ITGA6: variants seen among roughly 807,000 people sequenced by gnomAD.
The protein encoded by ITGA6 is integrin alpha-6.
Under a neutral mutation model 133.6 loss-of-function variants are expected in ITGA6, and 63 were observed. The observed-to-expected ratio is 0.47, with a 90% CI of 0.38 to 0.58. The LOEUF (loss-of-function observed/expected upper bound fraction) is 0.58. Among genes scored for constraint, ITGA6 ranks in the 20% least tolerant of loss-of-function variants. The pLI, the probability that ITGA6 is intolerant of heterozygous loss-of-function variation, is 0.00. For synonymous variants in ITGA6, 434 were observed against 482.0 expected, an observed-to-expected ratio of 0.90 and a Z score of 1.30; for missense variants, 1,068 against 1,309.4, an observed-to-expected ratio of 0.82 and a Z score of 2.85.
chr2:172,488,798 G>A (rs1222032085), intron 19 of ITGA6, among the ~76,000 whole-genome samples: 2 of 152,162 alleles, frequency 1.3e-5, no homozygotes, highest in African/African-American at 4.8e-5. Context: ...CCTGACTCCG[G>A]CAGAATGAAG....
At chr2:172,438,122 T>G (rs1051928191) in intron 1 of ITGA6, among the ~76,000 whole-genome samples, 2 of 151,328 alleles carry the variant, frequency 1.3e-5, no homozygotes, top group Non-Finnish European at 2.9e-5. Context: ...TAAGGGGAAA[T>G]AGTGGGTTTT....
At chr2:172,471,660 C>T (rs2149044573) in intron 5 of ITGA6, among the ~76,000 whole-genome samples, 1 of 152,262 alleles carries the variant, frequency 6.6e-6, no homozygotes, top group Non-Finnish European at 1.5e-5. Context: ...GGAGGTTGAG[C>T]AGGACTGCTA....
chr2:172,503,066 T>A (rs1192141965), intron 25 of ITGA6, among the ~76,000 whole-genome samples: 1 of 152,162 alleles, frequency 6.6e-6, no homozygotes, highest in African/African-American at 2.4e-5. Context: ...ACTATACATA[T>A]AATTTTATCT....
At chr2:172,472,032 G>A (rs1308450434) in intron 5 of ITGA6, among the ~76,000 whole-genome samples, 1 of 152,206 alleles carries the variant, frequency 6.6e-6, no homozygotes, top group East Asian at 1.9e-4. Context: ...GCACTAATAA[G>A]TTGTTCAGGC....
rs1686365382 is a variant in ITGA6 at position 172,480,053 on chromosome 2, TAAGTAC to T, written c.1549+3_1549+8del. 1.3e-6 allele frequency: 2 copies of T among 1,499,582 alleles called. No homozygotes were observed. Among genetic ancestry groups the T allele is most frequent in the Non-Finnish European group, 1.9e-6 (2 of 1,075,724 alleles). The allele number at this position is 1,499,582 out of a possible 1,614,324, so 92.9% of individuals were successfully genotyped here. ...CCGCTGGTTATAATCCTTCAATATG[TAAGTAC>T]CTAGTACCTTTAAAATATGTCTACT... On this transcript the variant is annotated splice_donor_5th_base_variant and intron_variant, in intron 11 of 25. Coordinates refer to ENST00000684293, the MANE Select transcript of ITGA6 (RefSeq NM_000210.4).
intron 1 of ITGA6, among the ~76,000 whole-genome samples, chr2:172,445,716 C>G (rs980440169): frequency 2.1e-4 from 32 of 150,396 alleles, no homozygotes; most frequent in East Asian, 7.9e-4. Flanking sequence ...TTTGCTTTGT[C>G]TTTGTCTTCC....
At chr2:172,469,074 A>G (rs1685803020) in intron 3 of ITGA6, 51 bp from the exon 4 acceptor site, 1 of 1,606,422 alleles carries the variant, frequency 6.2e-7, no homozygotes, top group Admixed American at 1.7e-5. Flanking sequence ...TAATTTTTTA[A>G]AAACAAGGTT....
chr2:172,437,150 T>C (rs1340720372), intron 1 of ITGA6, among the ~76,000 whole-genome samples: 1 of 152,234 alleles, frequency 6.6e-6, no homozygotes, highest in Admixed American at 6.5e-5. Flanking sequence ...ATCGAATGAC[T>C]GGCTTTTACT....
In ITGA6 at chr2:172,489,630, A is replaced by G. The variant is rs61757096; in HGVS notation, c.2651A>G (p.Gln884Arg). ...TTGGAAAAGGTAACTTGTGAGCCAC[A>G]AAAGGAGATAAACTCCCTGAACCTA... Reference protein sequence around the residue: ...KGLEKVTCEPQKEINSLNLTE... With the variant: ...KGLEKVTCEPRKEINSLNLTE... The change falls in exon 20 of 26, where the codon CAA (glutamine) becomes CGA (arginine). Residue 884 changes from glutamine (Q) to arginine (R), a missense_variant. Coordinates refer to ENST00000684293, the MANE Select transcript of ITGA6 (RefSeq NM_000210.4). The G allele has an allele frequency of 6.0e-4, 970 of 1,614,042 alleles. No homozygotes were observed. Among genetic ancestry groups the G allele is most frequent in the Middle Eastern group, 3.8e-3 (23 of 6,062 alleles).
In ITGA6 at chr2:172,433,103, C is replaced by T. The variant is rs1049460713; in HGVS notation, c.182+5133C>T. On this transcript the variant is annotated intron_variant, in intron 1 of 25. Transcript: ENST00000684293. ...GCTCCTGGGAGGATGGTAAAGATTA[C>T]GTACTGCAGCAGTGGGAAGTGGACG... Among the ~76,000 whole-genome samples the T allele has an allele frequency of 2.6e-5, 4 of 152,126 alleles. No individual in the cohort carries two copies. In the East Asian group the frequency reaches 7.7e-4, roughly 29 times the overall value.
At chr2:172,428,145 C>T (rs1027651528) in intron 1 of ITGA6, 175 bp downstream of exon 1, 6 of 384,366 alleles carry the variant, frequency 1.6e-5, no homozygotes, top group Non-Finnish European at 2.5e-5. Flanking sequence ...TGACCCGCCC[C>T]GCGCGGCGCC....
Position 172,487,528 on chromosome 2 carries a change from G to A in ITGA6, c.2161-19G>A. On this transcript the variant is annotated intron_variant, in intron 15 of 25. Transcript: ENST00000684293. ...TGGCAAATGAGTGGATTGTGACCTA[G>A]CGTGTGTTTCTTTTACAGGAGAAAC... 6.2e-7 allele frequency: 1 copy of A among 1,612,936 alleles called. No homozygotes were observed. The highest frequency in any genetic ancestry group is 8.5e-7 in the Non-Finnish European group (1 of 1,178,860).
chr2:172,446,159 T>C (rs1188063155), intron 1 of ITGA6, among the ~76,000 whole-genome samples: 1 of 152,256 alleles, frequency 6.6e-6, no homozygotes, highest in African/African-American at 2.4e-5. Context: ...ACCATATTAA[T>C]TTCCTTTTCA....
rs1167355562 is a variant in ITGA6 at position 172,505,026 on chromosome 2, A to G, written c.*958A>G. ...ATGGGAGGTCATCACTTTGACCTAA[A>G]TTATTTACTGCAAAAAGAAAATCTT... On this transcript the variant is annotated 3_prime_UTR_variant, in exon 26 of 26. Coordinates refer to ENST00000684293, the MANE Select transcript of ITGA6 (RefSeq NM_000210.4). 4 of 152,666 alleles carry G rather than the reference A, an allele frequency of 2.6e-5. No individual in the cohort carries two copies. The highest frequency in any genetic ancestry group is 5.9e-5 in the Non-Finnish European group (4 of 68,044). 9.5% of individuals were successfully genotyped at this position (152,666 alleles called of 1,614,324 possible).
chr2:172,429,568 A>T (rs1039381936), intron 1 of ITGA6, among the ~76,000 whole-genome samples: 2 of 152,158 alleles, frequency 1.3e-5, no homozygotes, highest in African/African-American at 4.8e-5. Context: ...CTGGCAGTGG[A>T]GATTTGCGAA....
At chr2:172,450,820 G>A (rs1261323423) in intron 1 of ITGA6, among the ~76,000 whole-genome samples, 2 of 141,238 alleles carry the variant, frequency 1.4e-5, no homozygotes, top group Non-Finnish European at 3.0e-5. Flanking sequence ...GTATGTATGT[G>A]TATATATATA....
intron 1 of ITGA6, among the ~76,000 whole-genome samples, chr2:172,463,103 G>C (rs1282859707): frequency 6.6e-6 from 1 of 152,154 alleles, no homozygotes; most frequent in Non-Finnish European, 1.5e-5. Context: ...CACGGATCAG[G>C]CTTCCCCAGG....
At chr2:172,447,950 G>A (rs1574332762) in intron 1 of ITGA6, among the ~76,000 whole-genome samples, 1 of 152,074 alleles carries the variant, frequency 6.6e-6, no homozygotes, top group East Asian at 1.9e-4. Flanking sequence ...GAGCTCCCTT[G>A]CTCTTAATGA....
intron 1 of ITGA6, among the ~76,000 whole-genome samples, chr2:172,432,770 G>C (rs1684155104): frequency 6.6e-6 from 1 of 152,200 alleles, no homozygotes; most frequent in Non-Finnish European, 1.5e-5. Context: ...GACCTACACT[G>C]CAGTGGGTAC....
Sources: allele counts gnomAD v4.1 joint callset (sites outside exome capture counted in the v4.1 genomes callset), GRCh38; gene constraint gnomAD v4.1.1; transcripts MANE v1.5; gene names NCBI Gene and HGNC (gene_info 2026-07-23, HGNC 2026-07-21).